Variants in AP4S1 observed in about 807,000 individuals in gnomAD.
AP4S1 encodes adaptor related protein complex 4 subunit sigma 1, also known as AP-4 complex subunit sigma-1.
Under a neutral mutation model 19.8 loss-of-function variants are expected in AP4S1, and 23 were observed. That is an observed-to-expected ratio of 1.16 (90% CI 0.84 to 1.65). The LOEUF is 1.65. Among genes scored for constraint, AP4S1 ranks in the 40% most tolerant of loss-of-function variants. The pLI is 0.00. For synonymous variants in AP4S1, 46 were observed against 54.1 expected (o/e 0.85, Z 0.66); for missense variants, 166 against 172.8 (o/e 0.96, Z 0.22).
intron 4 of AP4S1, among the ~76,000 whole-genome samples, chr14:31,078,574 C>A (rs1357390358): frequency 6.6e-6 from 1 of 151,622 alleles, no homozygotes; most frequent in Non-Finnish European, 1.5e-5. Flanking sequence ...ATATAATTTC[C>A]CAAAATAATA....
intron 1 of AP4S1, among the ~76,000 whole-genome samples, chr14:31,056,390 CTCT>C (rs1353449946): frequency 1.1e-4 from 16 of 151,190 alleles, no homozygotes; most frequent in Non-Finnish European, 2.2e-4. Flanking sequence ...TGGAGTCTCA[CTCT>C]TGTCGCCCAG....
At chr14:31,062,605 T>C (rs189349557) in intron 1 of AP4S1, among the ~76,000 whole-genome samples, 39 of 152,344 alleles carry the variant, frequency 2.6e-4, no homozygotes, top group African/African-American at 9.1e-4. Flanking sequence ...TTAATATACT[T>C]GCATTAACAG....
At chr14:31,026,531 G>C (rs1482509238) in intron 1 of AP4S1, 1 of 229,196 alleles carries the variant, frequency 4.4e-6, no homozygotes. Flanking sequence ...AATAGAGTCC[G>C]GCCTCACCCT....
At chr14:31,061,799 C>T (rs1458355823) in intron 1 of AP4S1, among the ~76,000 whole-genome samples, 2 of 151,928 alleles carry the variant, frequency 1.3e-5, no homozygotes, top group Non-Finnish European at 2.9e-5. Flanking sequence ...CATGCCACCA[C>T]ACCCAGCTAA....
intron 4 of AP4S1, among the ~76,000 whole-genome samples, chr14:31,078,402 T>C (rs1484938959): frequency 2.6e-5 from 4 of 152,192 alleles, no homozygotes; most frequent in African/African-American, 9.6e-5. Context: ...TTAATTTAAA[T>C]CTCCACATGA....
chr14:31,066,294 C>G lies in AP4S1; in HGVS notation c.98C>G (p.Thr33Arg), dbSNP rs763713689. Residue 33 changes from threonine to arginine, a missense_variant, in exon 2 of 6, where the codon ACA becomes AGA. Thr to Arg is a moderately conservative substitution (Grantham distance 71). Coordinates refer to ENST00000542754, the MANE Select transcript of AP4S1 (RefSeq NM_001128126.3). ...ATTAATAAGCGTACACTTCTGGAAACAGAAGTCATAAAGAGCTGTCTCTCT... is the reference window on the plus strand; with the variant it reads ...ATTAATAAGCGTACACTTCTGGAAAGAGAAGTCATAAAGAGCTGTCTCTCT... ...VDINKRTLLE[T>R]EVIKSCLSRS... 55 of 1,613,858 alleles carry G rather than the reference C, an allele frequency of 3.4e-5. No homozygotes were observed. The Admixed American group carries it at 3.5e-4, about 10-fold the overall frequency.
intron 1 of AP4S1, among the ~76,000 whole-genome samples, chr14:31,033,468 T>C (rs1884533284): frequency 6.6e-6 from 1 of 151,602 alleles, no homozygotes; most frequent in Non-Finnish European, 1.5e-5. Context: ...CGCCTCAGCC[T>C]CCCAAAGTGC....
intron 1 of AP4S1, among the ~76,000 whole-genome samples, chr14:31,035,892 G>T (rs1282876909): frequency 6.6e-6 from 1 of 151,722 alleles, no homozygotes; most frequent in Non-Finnish European, 1.5e-5. Context: ...CACAAGGCCC[G>T]GCTAATTTTT....
intron 2 of AP4S1, 107 bp downstream of exon 2, chr14:31,066,441 A>G: frequency 7.1e-7 from 1 of 1,402,224 alleles, no homozygotes; most frequent in South Asian, 1.2e-5. Context: ...TATTCCTTCA[A>G]CAGCTACTAA....
At chr14:31,077,025 G>C (rs1173703903) in intron 4 of AP4S1, among the ~76,000 whole-genome samples, 6 of 152,156 alleles carry the variant, frequency 3.9e-5, no homozygotes, top group South Asian at 2.1e-4. Context: ...TCCGTCCCGG[G>C]TTCAAGCGAT....
At chr14:31,025,962 T>C (rs1195475658) in intron 1 of AP4S1, 175 bp downstream of exon 1, 9 of 1,589,116 alleles carry the variant, frequency 5.7e-6, no homozygotes, top group Non-Finnish European at 6.8e-6. Flanking sequence ...CCGAGCCCAC[T>C]CGTGCTGGAT....
chr14:31,082,913 C>T lies in AP4S1; in HGVS notation c.306+2329C>T, dbSNP rs542572539. Among the ~76,000 whole-genome samples the T allele has an allele frequency of 4.8e-5, 7 of 146,494 alleles. 1 individual carries two copies. The East Asian group carries it at 7.8e-4, about 16-fold the overall frequency. ...TCCGTCTCAAAAAAAAAAAAAAAGA[C>T]TAGAAGAGCTTTAACACCTGATCAG... On this transcript the variant is annotated intron_variant, in intron 5 of 5. Transcript: ENST00000542754.
intron 1 of AP4S1, among the ~76,000 whole-genome samples, chr14:31,041,429 A>G (rs1885107558): frequency 6.6e-6 from 1 of 152,188 alleles, no homozygotes; most frequent in Non-Finnish European, 1.5e-5. Context: ...GATTATAGGC[A>G]TGAGCCACCA....
intron 5 of AP4S1, among the ~76,000 whole-genome samples, chr14:31,092,495 GA>G (rs1439765699): frequency 1.2e-4 from 19 of 152,154 alleles, no homozygotes; most frequent in Non-Finnish European, 2.6e-4. Flanking sequence ...GTAGAGGGCT[GA>G]AACTCAACAC....
At position 31,084,645 on chromosome 14, in the gene AP4S1, G is replaced by T. The variant is rs532943159; in HGVS notation, c.306+4061G>T. 9.3e-5 allele frequency: 139 copies of T among 1,487,216 alleles called. 1 individual carries two copies. The South Asian group carries it at 1.4e-3, about 15-fold the overall frequency. 92.1% of individuals were successfully genotyped at this position (1,487,216 alleles called of 1,614,324 possible). ...TGCACTCTTCAGTTCCACTCCACCC[G>T]CCCGGCTGAAGTGAGGCCTGAAGAT... On this transcript the variant is annotated intron_variant, in intron 5 of 5. Coordinates refer to ENST00000542754, the MANE Select transcript of AP4S1 (RefSeq NM_001128126.3).
chr14:31,065,025 A>G (rs1196224731), intron 1 of AP4S1, among the ~76,000 whole-genome samples: 1 of 152,202 alleles, frequency 6.6e-6, no homozygotes, highest in African/African-American at 2.4e-5. Context: ...AGCACCTTAC[A>G]GAGCCTGTTA....
chr14:31,077,274 T>A (rs1157081019), intron 4 of AP4S1, among the ~76,000 whole-genome samples: 5 of 152,178 alleles, frequency 3.3e-5, no homozygotes, highest in African/African-American at 4.8e-5. Flanking sequence ...TTTTTTCATT[T>A]CGCATTTAAA....
Position 31,094,176 on chromosome 14 carries a change from G to A in AP4S1, c.*1141G>A, listed in dbSNP as rs544236137. On this transcript the variant is annotated 3_prime_UTR_variant, in exon 6 of 6. Coordinates refer to ENST00000542754, the MANE Select transcript of AP4S1 (RefSeq NM_001128126.3). ...ATGAGCCACCATGCCCAGCCAAGAG[G>A]TGTTTTTTGTTTGTTTGTTTTTAAG... is the stretch of plus-strand genomic sequence containing the variant. The A allele has an allele frequency of 6.5e-6, 1 of 154,058 alleles. No homozygotes were observed. Among genetic ancestry groups the A allele is most frequent in the African/African-American group, 2.4e-5 (1 of 41,608 alleles). 9.5% of individuals were successfully genotyped at this position (154,058 alleles called of 1,614,324 possible).
chr14:31,071,889 T>TTTTATTTA (rs199990301), intron 3 of AP4S1, among the ~76,000 whole-genome samples: 9 of 148,278 alleles, frequency 6.1e-5, no homozygotes, highest in African/African-American at 2.0e-4. Flanking sequence ...ATATTTTTAC[T>TTTTATTTA]TTTATTTATT....
Sources: allele counts gnomAD v4.1 joint callset (sites outside exome capture counted in the v4.1 genomes callset), GRCh38; gene constraint gnomAD v4.1.1; transcripts MANE v1.5; gene names NCBI Gene and HGNC (gene_info 2026-07-23, HGNC 2026-07-21).